Variants in PLSCR5 observed in about 807,000 individuals in gnomAD.
PLSCR5 encodes phospholipid scramblase family, member 5.
In PLSCR5, 44 loss-of-function variants were observed where a neutral mutation model predicts 33.6. The observed-to-expected ratio is 1.31, with a 90% confidence interval of 1.03 to 1.69. The LOEUF (loss-of-function observed/expected upper bound fraction) is 1.69, where lower values mean the gene tolerates loss of function less well. PLSCR5 is among the 40% of genes most tolerant of loss of function. PLSCR5 has a pLI of 0.00. For missense variants in PLSCR5, 375 were observed against 318.7 expected (o/e 1.18, Z -1.34); for synonymous variants, 148 against 112.3 (o/e 1.32, Z -2.01).
chr3:146,599,999 C>T (rs946700714), intron 2 of PLSCR5, among the ~76,000 whole-genome samples: 15 of 151,996 alleles, frequency 9.9e-5, no homozygotes, highest in African/African-American at 3.6e-4. Flanking sequence ...TTTACTGACA[C>T]CTTGAACAAT....
rs2044737194 is a variant in PLSCR5, at chr3:146,594,039, A to G, written c.334T>C (p.Phe112Leu). The stretch of plus-strand genomic sequence containing the variant: ...GTGCAAGATCGCAGAGTGGAACAGA[A>G]AGTACGATTGAAGCAGATGCTTTCC... ...VEESICFNRT[F>L]CSTLRSCTLR... The change falls in exon 4 of 8, where the codon TTC becomes CTC. Residue 112 changes from phenylalanine (F) to leucine (L), a missense_variant. Transcript: ENST00000443512. 2 of 1,613,720 alleles carry G rather than the reference A, an allele frequency of 1.2e-6. No homozygotes were observed. The highest frequency in any genetic ancestry group is 2.2e-5 in the East Asian group (1 of 44,876).
chr3:146,577,557 C>A (rs342930), intron 7 of PLSCR5, among the ~76,000 whole-genome samples: 110,412 of 151,948 alleles, frequency 0.73, 40,215 homozygotes, highest in African/African-American at 0.76. Context: ...CTGTTTGGTA[C>A]GCCAATGTTA....
intron 1 of PLSCR5, among the ~76,000 whole-genome samples, chr3:146,601,015 C>T (rs1459054253): frequency 6.7e-6 from 1 of 148,892 alleles, no homozygotes; most frequent in African/African-American, 2.4e-5. Context: ...ATTTATATAA[C>T]CAATAATAGT....
At chr3:146,587,793 G>C (rs1239999895) in intron 6 of PLSCR5, among the ~76,000 whole-genome samples, 1 of 151,962 alleles carries the variant, frequency 6.6e-6, no homozygotes, top group African/African-American at 2.4e-5. Context: ...AATAATAGGA[G>C]ACTGGTAAGT....
chr3:146,595,955 T>A (rs1037955034), intron 2 of PLSCR5, among the ~76,000 whole-genome samples: 2 of 152,140 alleles, frequency 1.3e-5, no homozygotes, highest in African/African-American at 4.8e-5. Flanking sequence ...GGACTAAAAA[T>A]AAAAATGAGT....
rs2107855125 is a variant in PLSCR5, at chr3:146,595,069, A to G, written c.204T>C (p.Ile68=). The G allele has an allele frequency of 1.4e-6, 2 of 1,433,424 alleles. No individual in the cohort carries two copies. The highest frequency in any genetic ancestry group is 5.3e-5 in the East Asian group (2 of 38,002). The allele number at this position is 1,433,424 out of a possible 1,614,324, so 88.8% of individuals were successfully genotyped here. A position where few individuals can be genotyped will look rare whatever the true frequency, so the allele number is the denominator to read the frequency against. The change falls in exon 3 of 8, where the codon ATT becomes ATC. Residue 68 remains isoleucine, a synonymous_variant. Transcript: ENST00000443512. ...LEYLSQLDLI[I]IHQQVELLGM... ...CAAGCAGCTCCACCTGCTGGTGTAT[A>G]ATTATCAGGTCTAACTGTAAAGGAT... is the stretch of plus-strand genomic sequence containing the variant.
intron 7 of PLSCR5, among the ~76,000 whole-genome samples, chr3:146,578,371 A>C: frequency 6.6e-6 from 1 of 152,178 alleles, no homozygotes; most frequent in East Asian, 1.9e-4. Context: ...AGTTGTTTAT[A>C]TGTTACCTTT....
chr3:146,591,873 G>T lies in PLSCR5; in HGVS notation c.462C>A (p.Ile154=), dbSNP rs1353349822. 2 of 1,598,980 alleles carry T rather than the reference G, an allele frequency of 1.3e-6. No homozygotes were observed. The highest frequency in any genetic ancestry group is 3.5e-5 in the Admixed American group (2 of 57,126). The change falls in exon 5 of 8, where the codon ATC becomes ATA. Residue 154 remains isoleucine, a synonymous_variant. Coordinates refer to ENST00000443512, the MANE Select transcript of PLSCR5 (RefSeq NM_001085420.2). ...WCPCYLQELE[I]QAPPGTIVGY... ...CAACTATAGTACCAGGAGGGGCTTG[G>T]ATTTCTAACTGTAAGAAGAGATAAT...
intron 1 of PLSCR5, among the ~76,000 whole-genome samples, chr3:146,603,632 A>G (rs961090962): frequency 6.6e-6 from 1 of 152,134 alleles, no homozygotes; most frequent in African/African-American, 2.4e-5. Flanking sequence ...ATGAAGAAGG[A>G]ACTCCTTTGA....
chr3:146,586,137 A>AGCT, intron 6 of PLSCR5, 25 bp from the exon 7 acceptor site: 1 of 1,448,358 alleles, frequency 6.9e-7, no homozygotes, highest in Non-Finnish European at 9.1e-7. Context: ...ACTGAATATA[A>AGCT]GTGAATTTAC....
rs2044801923 is a variant in PLSCR5 at position 146,600,384 on chromosome 3, G to A, written c.93C>T (p.Ser31=). The A allele has an allele frequency of 6.2e-7, 1 of 1,610,380 alleles. No homozygotes were observed. ...GCTGCCATGCTTGGTTCCCTGGATT[G>A]GAAGAGGCAGGAAGGCTTTGGTCTG... ...PDPDQSLPAS[S]NPGNQAWQLS... Residue 31 remains serine (S), a synonymous_variant, in exon 2 of 8, where the codon TCC becomes TCT. Transcript: ENST00000443512.
Position 146,605,218 on chromosome 3 carries a change from T to A in PLSCR5, c.-6A>T. 2 of 1,611,554 alleles carry A rather than the reference T, an allele frequency of 1.2e-6. No individual in the cohort carries two copies. Among genetic ancestry groups the A allele is most frequent in the Non-Finnish European group, 1.7e-6 (2 of 1,178,320 alleles). The stretch of plus-strand genomic sequence containing the variant: ...CTCTTACCTTTAGAGGCCATGAAGA[T>A]GTCTGAGTCACTTCTTCAAAGGTTG... On this transcript the variant is annotated 5_prime_UTR_variant, in exon 1 of 8. Transcript: ENST00000443512.
intron 2 of PLSCR5, among the ~76,000 whole-genome samples, chr3:146,597,910 G>C (rs751380043): frequency 6.6e-6 from 1 of 151,984 alleles, no homozygotes; most frequent in Non-Finnish European, 1.5e-5. Context: ...TACATGTTTT[G>C]TAGACTTTAA....
At chr3:146,598,764 T>G (rs1239371855) in intron 2 of PLSCR5, among the ~76,000 whole-genome samples, 1 of 152,204 alleles carries the variant, frequency 6.6e-6, no homozygotes, top group Admixed American at 6.5e-5. Flanking sequence ...AGTCAGCTAT[T>G]ACAGCTGATC....
At chr3:146,594,280 T>C in intron 3 of PLSCR5, 140 bp from the exon 4 acceptor site, 1 of 645,618 alleles carries the variant, frequency 1.5e-6, no homozygotes, top group Admixed American at 3.0e-5. Flanking sequence ...CAAATTTATT[T>C]CTATGCTCTA....
At chr3:146,596,778 A>T (rs1443496348) in intron 2 of PLSCR5, among the ~76,000 whole-genome samples, 1 of 152,168 alleles carries the variant, frequency 6.6e-6, no homozygotes, top group Non-Finnish European at 1.5e-5. Flanking sequence ...TGAAGGTAAA[A>T]CTAATATCAT....
At chr3:146,576,809 C>T (rs2044600429) in intron 7 of PLSCR5, 1 of 151,840 alleles carries the variant, frequency 6.6e-6, no homozygotes, top group Admixed American at 6.6e-5. Context: ...AGGGACATTA[C>T]AGTACTATAA....
intron 1 of PLSCR5, among the ~76,000 whole-genome samples, chr3:146,601,441 C>T (rs1303423303): frequency 1.3e-5 from 2 of 151,832 alleles, no homozygotes; most frequent in African/African-American, 4.8e-5. Context: ...CAAGTGCATT[C>T]AGTTAGTTTA....
chr3:146,603,239 T>C (rs1304463531), intron 1 of PLSCR5, among the ~76,000 whole-genome samples: 1 of 152,104 alleles, frequency 6.6e-6, no homozygotes, highest in Non-Finnish European at 1.5e-5. Context: ...GCCAATATAG[T>C]TACTGGACAA....
Sources: gnomAD v4.1 joint callset for allele counts (sites outside exome capture counted in the v4.1 genomes callset) on GRCh38, gnomAD v4.1.1 for gene constraint, MANE v1.5 for transcripts, NCBI Gene and HGNC (gene_info 2026-07-23, HGNC 2026-07-21) for gene names.